Variants in UBE2W observed in about 807,000 individuals in gnomAD.
UBE2W encodes ubiquitin conjugating enzyme E2 W.
Under a neutral mutation model 27.2 loss-of-function variants are expected in UBE2W, and 18 were observed. The ratio of observed to expected loss-of-function variants is 0.66; its 90% confidence interval spans 0.46 to 0.98. The LOEUF (loss-of-function observed/expected upper bound fraction) is 0.98. UBE2W is among the 50% of genes least tolerant of loss of function. The pLI is 0.00. For synonymous variants in UBE2W, 53 were observed against 57.2 expected, an observed-to-expected ratio of 0.93 and a Z score of 0.33; for missense variants, 90 against 180.2, an observed-to-expected ratio of 0.50 and a Z score of 2.87.
At chr8:73,835,726 G>A (rs1444304646) in intron 1 of UBE2W, among the ~76,000 whole-genome samples, 1 of 152,140 alleles carries the variant, frequency 6.6e-6, no homozygotes, top group Admixed American at 6.6e-5. Flanking sequence ...CTGGGCGAGA[G>A]AGCGAGACTT....
rs1303472598 is a variant in UBE2W at position 73,793,063 on chromosome 8, C to T, written c.*1039G>A. ...AGAAAATTTACAAGAAAAAACTTAA[C>T]AAAAGTTTCAATAAAAGTATTGTAA... On this transcript the variant is annotated 3_prime_UTR_variant, in exon 6 of 6. Transcript: ENST00000602593. 1 of 985,208 alleles carries T rather than the reference C, an allele frequency of 1.0e-6. No homozygotes were observed. Among genetic ancestry groups the T allele is most frequent in the Non-Finnish European group, 1.2e-6 (1 of 829,614 alleles). 61.0% of individuals were successfully genotyped at this position (985,208 alleles called of 1,614,324 possible).
chr8:73,830,194 A>C (rs769687386), intron 2 of UBE2W, among the ~76,000 whole-genome samples, 187 bp downstream of exon 2: 12 of 152,174 alleles, frequency 7.9e-5, no homozygotes, highest in Non-Finnish European at 1.8e-4. Context: ...ATTATGCAAC[A>C]ATGTTTATAA....
chr8:73,803,722 T>G (rs1808744407), intron 5 of UBE2W, among the ~76,000 whole-genome samples: 1 of 152,094 alleles, frequency 6.6e-6, no homozygotes, highest in Non-Finnish European at 1.5e-5. Flanking sequence ...ATTTTCACAT[T>G]TCTGTCTCTC....
chr8:73,840,209 A>G (rs1400217784), intron 1 of UBE2W, among the ~76,000 whole-genome samples: 3 of 151,908 alleles, frequency 2.0e-5, no homozygotes, highest in African/African-American at 7.3e-5. Flanking sequence ...GGTGCCTGCC[A>G]CTACACCTGG....
At chr8:73,875,249 T>C (rs943362415) in intron 1 of UBE2W, among the ~76,000 whole-genome samples, 3 of 152,132 alleles carry the variant, frequency 2.0e-5, no homozygotes, top group Non-Finnish European at 4.4e-5. Flanking sequence ...GTCCCCAGCA[T>C]TTACAGGTGT....
intron 3 of UBE2W, among the ~76,000 whole-genome samples, chr8:73,811,376 T>C (rs934693510): frequency 2.6e-5 from 4 of 152,146 alleles, no homozygotes; most frequent in African/African-American, 9.6e-5. Flanking sequence ...TCAACAAATA[T>C]CTTAAAGTAG....
intron 1 of UBE2W, among the ~76,000 whole-genome samples, chr8:73,848,453 G>A (rs767470586): frequency 9.9e-5 from 15 of 152,210 alleles, no homozygotes; most frequent in Non-Finnish European, 2.1e-4. Flanking sequence ...CTGGGTGGCT[G>A]AGGTGGGAGG....
chr8:73,809,616 C>T (rs991621898), intron 4 of UBE2W, among the ~76,000 whole-genome samples: 3 of 152,072 alleles, frequency 2.0e-5, no homozygotes, highest in Admixed American at 6.6e-5. Flanking sequence ...GATGGAGTCT[C>T]GCTCTGTCAC....
chr8:73,801,483 C>T (rs772913635), intron 5 of UBE2W, among the ~76,000 whole-genome samples: 2 of 152,166 alleles, frequency 1.3e-5, no homozygotes, highest in African/African-American at 2.4e-5. Flanking sequence ...GGTTTAAAAA[C>T]ACTTGTAAAA....
At chr8:73,815,537 C>T (rs1284842300) in intron 3 of UBE2W, among the ~76,000 whole-genome samples, 1 of 152,076 alleles carries the variant, frequency 6.6e-6, no homozygotes, top group East Asian at 1.9e-4. Context: ...TACCAAAAAC[C>T]TCTGCATTAT....
intron 1 of UBE2W, among the ~76,000 whole-genome samples, chr8:73,841,665 T>C (rs149708050): frequency 9.2e-5 from 14 of 152,282 alleles, no homozygotes; most frequent in African/African-American, 3.4e-4. Context: ...CAGACTTTCT[T>C]TTCCAGCACA....
chr8:73,835,561 G>T (rs1292714054), intron 1 of UBE2W, among the ~76,000 whole-genome samples: 4 of 152,110 alleles, frequency 2.6e-5, no homozygotes, highest in African/African-American at 7.2e-5. Context: ...TGACTAATAT[G>T]GTGAAAACCT....
At chr8:73,867,398 G>T (rs867715064) in intron 1 of UBE2W, among the ~76,000 whole-genome samples, 5 of 152,088 alleles carry the variant, frequency 3.3e-5, no homozygotes, top group African/African-American at 1.2e-4. Context: ...AGCTGGGCAT[G>T]GTGGCACACG....
chr8:73,864,700 C>A (rs888247592), intron 1 of UBE2W, among the ~76,000 whole-genome samples: 2 of 134,732 alleles, frequency 1.5e-5, no homozygotes, highest in African/African-American at 5.8e-5. Context: ...CCTCAGCCTC[C>A]CGAGTAGCTG....
intron 1 of UBE2W, among the ~76,000 whole-genome samples, chr8:73,877,549 A>C (rs916919937): frequency 1.3e-5 from 2 of 152,232 alleles, no homozygotes; most frequent in Admixed American, 1.3e-4. Context: ...AAGATGCAGA[A>C]AAGGGAAGAA....
At chr8:73,782,716 T>C (rs1264048646), downstream of UBE2W, among the ~76,000 whole-genome samples, 1 of 152,262 alleles carries the variant, frequency 6.6e-6, no homozygotes, top group Non-Finnish European at 1.5e-5. Context: ...AAATGTTTTA[T>C]GTTTCATATA....
intron 1 of UBE2W, among the ~76,000 whole-genome samples, chr8:73,835,311 C>T (rs1424613945): frequency 6.6e-6 from 1 of 152,088 alleles, no homozygotes; most frequent in East Asian, 1.9e-4. Context: ...AGCCAACTTT[C>T]AAGATAATTC....
At chr8:73,797,729 C>T (rs77539691) in intron 5 of UBE2W, among the ~76,000 whole-genome samples, 8,049 of 152,166 alleles carry the variant, frequency 0.053, 689 homozygotes, top group African/African-American at 0.18. Flanking sequence ...TTTTAAAAAC[C>T]GATATTCCTC....
chr8:73,872,412 C>A (rs962853848), intron 1 of UBE2W, among the ~76,000 whole-genome samples: 1 of 152,054 alleles, frequency 6.6e-6, no homozygotes. Flanking sequence ...ATATAATATA[C>A]CAAAAAAGTG....
Sources: gnomAD v4.1 joint callset for allele counts (sites outside exome capture counted in the v4.1 genomes callset) on GRCh38, gnomAD v4.1.1 for gene constraint, MANE v1.5 for transcripts, NCBI Gene and HGNC (gene_info 2026-07-23, HGNC 2026-07-21) for gene names.